FAH: variants seen among roughly 807,000 people sequenced by gnomAD.
FAH encodes the protein fumarylacetoacetate hydrolase.
In FAH, 47 loss-of-function variants were observed where a neutral mutation model predicts 55.8. The ratio of observed to expected loss-of-function variants is 0.84; its 90% CI spans 0.67 to 1.07. The LOEUF (loss-of-function observed/expected upper bound fraction) is 1.07, where lower values mean the gene tolerates loss of function less well. FAH is among the 50% of genes least tolerant of loss of function. FAH has a pLI of 0.00. For missense variants in FAH, 495 were observed against 545.9 expected, an observed-to-expected ratio of 0.91 and a Z score of 0.93; for synonymous variants, 199 against 207.7, an observed-to-expected ratio of 0.96 and a Z score of 0.36.
intron 1 of FAH, 39 bp downstream of exon 1, chr15:80,153,174 AGTGG>A: frequency 2.5e-6 from 1 of 395,994 alleles, no homozygotes; most frequent in Non-Finnish European, 4.3e-6. Flanking sequence ...GCGGGGAGGG[AGTGG>A]AGTGGAGTGG....
intron 1 of FAH, 41 bp downstream of exon 1, chr15:80,153,176 T>A (rs558321563): frequency 2.4e-6 from 1 of 416,288 alleles, no homozygotes; most frequent in Non-Finnish European, 4.0e-6. Context: ...GGGGAGGGAG[T>A]GGAGTGGAGT....
Position 80,157,642 on chromosome 15 carries a change from C to T in FAH, c.82-418C>T, listed in dbSNP as rs16971779. 5.7e-3 allele frequency: 1,785 copies of T among 310,822 alleles called. 28 individuals carry two copies. Among genetic ancestry groups the T allele is most frequent in the African/African-American group, 0.035 (1,643 of 46,464 alleles). 19.3% of individuals were successfully genotyped at this position (310,822 alleles called of 1,614,324 possible). ...TGTGTGTTGGGCACTCATGCTCCAC[C>T]GCACAACTGAACTACCCTAGTCAAG... is the stretch of plus-strand genomic sequence containing the variant. On this transcript the variant is annotated intron_variant, in intron 1 of 13. Coordinates refer to ENST00000561421, the MANE Select transcript of FAH (RefSeq NM_000137.4).
chr15:80,159,900 G>C, intron 3 of FAH, 23 bp downstream of exon 3: 1 of 1,612,828 alleles, frequency 6.2e-7, no homozygotes, highest in Non-Finnish European at 8.5e-7. Context: ...TGGTCATAGG[G>C]GGGATGAGGG....
chr15:80,166,206 C>A (rs34497292), intron 5 of FAH: 11,314 of 152,020 alleles, frequency 0.074, 441 homozygotes, highest in South Asian at 0.088. Context: ...CTCACTGCAG[C>A]CTTGACCTCC....
chr15:80,156,056 T>C (rs528464266), intron 1 of FAH: 507 of 321,780 alleles, frequency 1.6e-3, no homozygotes, highest in South Asian at 2.0e-3. Flanking sequence ...TCCAGCCTCC[T>C]ACAGGAAGCT....
chr15:80,178,991 C>A (rs1425743917), intron 11 of FAH, among the ~76,000 whole-genome samples: 1 of 152,216 alleles, frequency 6.6e-6, no homozygotes, highest in Non-Finnish European at 1.5e-5. Flanking sequence ...TTTTAGTACA[C>A]ACCTTTTGGT....
At chr15:80,180,607 C>T (rs950295861) in intron 12 of FAH, among the ~76,000 whole-genome samples, 4 of 152,178 alleles carry the variant, frequency 2.6e-5, no homozygotes, top group Non-Finnish European at 5.9e-5. Flanking sequence ...CTGCGGGAGT[C>T]ACAGAACCTT....
chr15:80,175,241 G>A, intron 10 of FAH, 150 bp downstream of exon 10: 2 of 738,884 alleles, frequency 2.7e-6, no homozygotes, highest in South Asian at 1.5e-5. Flanking sequence ...AAAGAGGAGG[G>A]GAGGGGAGGG....
At chr15:80,180,793 A>G (rs750742604) in intron 12 of FAH, among the ~76,000 whole-genome samples, 4 of 152,210 alleles carry the variant, frequency 2.6e-5, no homozygotes, top group African/African-American at 7.2e-5. Flanking sequence ...CACTCTGGTC[A>G]GGGATTCACT....
chr15:80,178,345 C>T (rs1211326072), intron 11 of FAH, among the ~76,000 whole-genome samples: 3 of 152,064 alleles, frequency 2.0e-5, no homozygotes, highest in South Asian at 2.1e-4. Context: ...CTCCAGGTCA[C>T]TTCATCACTC....
At chr15:80,180,907 G>T in intron 12 of FAH, 135 bp from the exon 13 acceptor site, 1 of 693,494 alleles carries the variant, frequency 1.4e-6, no homozygotes, top group Non-Finnish European at 2.6e-6. Flanking sequence ...ATCCCACCAA[G>T]GCCGAGGCAG....
intron 1 of FAH, chr15:80,156,291 A>G (rs752046712): frequency 1.2e-5 from 2 of 162,058 alleles, no homozygotes; most frequent in Non-Finnish European, 2.7e-5. Context: ...CCTAGGTTAT[A>G]TTGTACTACA....
chr15:80,186,497 G>A (rs1488863066), downstream of FAH: 3 of 484,266 alleles, frequency 6.2e-6, no homozygotes, highest in Non-Finnish European at 1.1e-5. Context: ...GACATCCCAG[G>A]CCTCCTGGTA....
At chr15:80,179,351 C>T (rs190657740) in intron 11 of FAH, among the ~76,000 whole-genome samples, 5 of 152,286 alleles carry the variant, frequency 3.3e-5, no homozygotes, top group Middle Eastern at 3.4e-3. Flanking sequence ...CCTAATTTCC[C>T]TTCTAATTTA....
chr15:80,171,750 C>T (rs926725199), intron 7 of FAH, among the ~76,000 whole-genome samples: 1 of 152,216 alleles, frequency 6.6e-6, no homozygotes, highest in African/African-American at 2.4e-5. Flanking sequence ...ACGTGAGCCA[C>T]AGTGCCTGGC....
Position 80,168,274 on chromosome 15 carries a change from C to T in FAH, c.564C>T (p.Pro188=), listed in dbSNP as rs149988384. ...CTGGTGTTATTCCAGCTAAGCCTCC[C>T]GTATATGGTGCCTGCAAGCTCTTGG... is the stretch of plus-strand genomic sequence containing the variant. ...GQMKPDDSKP[P]VYGACKLLDM... is the part of the protein sequence containing the mutation. Residue 188 remains proline, a synonymous_variant, in exon 7 of 14, where the codon CCC becomes CCT. Coordinates refer to ENST00000561421, the MANE Select transcript of FAH (RefSeq NM_000137.4). 9.8e-5 allele frequency: 158 copies of T among 1,611,622 alleles called. 1 individual carries two copies. The African/African-American group carries it at 1.1e-3, about 11-fold the overall frequency.
At chr15:80,168,601 C>T (rs2041215910) in intron 7 of FAH, among the ~76,000 whole-genome samples, 1 of 152,224 alleles carries the variant, frequency 6.6e-6, no homozygotes. Context: ...GGCAGTGAAA[C>T]ATTTGAGCTG....
In FAH at chr15:80,153,101, A is replaced by T. The variant is rs121965073; in HGVS notation, c.47A>T (p.Asn16Ile). ...GAGGATTCCGACTTCCCCATCCACA[A>T]CCTGCCCTACGGCGTCTTCTCGACC... ...VAEDSDFPIH[N>I]LPYGVFSTRG... is the part of the protein sequence containing the mutation. Residue 16 changes from asparagine (N) to isoleucine (I), a missense_variant, in exon 1 of 14, where the codon AAC (asparagine) becomes ATC (isoleucine). Asn to Ile is a moderately radical substitution (Grantham distance 149). Coordinates refer to ENST00000561421, the MANE Select transcript of FAH (RefSeq NM_000137.4). The T allele has an allele frequency of 1.4e-5, 23 of 1,613,112 alleles. No individual in the cohort carries two copies. Among genetic ancestry groups the T allele is most frequent in the Non-Finnish European group, 1.9e-5 (22 of 1,179,828 alleles).
At chr15:80,170,847 A>G (rs1031670375) in intron 7 of FAH, among the ~76,000 whole-genome samples, 1 of 152,314 alleles carries the variant, frequency 6.6e-6, no homozygotes. Context: ...TGCAAATGTC[A>G]TGGCTGAGTC....
Sources: gnomAD v4.1 joint callset for allele counts (sites outside exome capture counted in the v4.1 genomes callset) on GRCh38, gnomAD v4.1.1 for gene constraint, MANE v1.5 for transcripts, NCBI Gene and HGNC (gene_info 2026-07-23, HGNC 2026-07-21) for gene names.